The following LRMDA variants were observed in gnomAD, a reference collection of about 807,000 sequenced individuals.
The protein encoded by LRMDA is leucine rich melanocyte differentiation associated.
In LRMDA, 18 loss-of-function variants were observed where a neutral mutation model predicts 29.8. That is an observed-to-expected ratio of 0.60 (90% CI 0.42 to 0.90). The LOEUF is 0.90. Ranked by LOEUF, LRMDA falls within the 40% of genes least tolerant of loss-of-function variation. The probability of loss-of-function intolerance (pLI) is 0.00; values close to 1 mark genes in which losing one functional copy is unlikely to be tolerated. For synonymous variants in LRMDA, 125 were observed against 109.4 expected (o/e 1.14, Z -0.89); for missense variants, 273 against 273.9 (o/e 1.00, Z 0.02).
chr10:76,134,811 A>G (rs1485660746), intron 5 of LRMDA, among the ~76,000 whole-genome samples: 2 of 152,332 alleles, frequency 1.3e-5, no homozygotes, highest in Non-Finnish European at 1.5e-5. Flanking sequence ...CATTACTTAC[A>G]AATTGCTAAA....
chr10:76,345,486 A>C (rs1390075535), intron 6 of LRMDA, among the ~76,000 whole-genome samples: 1 of 148,260 alleles, frequency 6.7e-6, no homozygotes, highest in Non-Finnish European at 1.5e-5. Context: ...TATATTTATA[A>C]ATTTATATAT....
chr10:75,846,397 A>G (rs17434565), intron 2 of LRMDA, among the ~76,000 whole-genome samples: 25,555 of 152,138 alleles, frequency 0.17, 2,682 homozygotes, highest in South Asian at 0.26. Flanking sequence ...GCTTAACCTC[A>G]TTTTCACTGC....
At chr10:76,415,820 A>G (rs977391347) in intron 6 of LRMDA, among the ~76,000 whole-genome samples, 16 of 152,106 alleles carry the variant, frequency 1.1e-4, no homozygotes, top group African/African-American at 3.6e-4. Context: ...TGCGCACGAG[A>G]TGCACTGACA....
intron 2 of LRMDA, among the ~76,000 whole-genome samples, chr10:75,731,770 G>T (rs1842701941): frequency 6.6e-6 from 1 of 152,182 alleles, no homozygotes; most frequent in South Asian, 2.1e-4. Flanking sequence ...GGCTAATTTT[G>T]GACTTCCCAG....
chr10:75,703,487 G>A (rs527604712), intron 2 of LRMDA, among the ~76,000 whole-genome samples: 1 of 152,190 alleles, frequency 6.6e-6, no homozygotes, highest in Admixed American at 6.5e-5. Flanking sequence ...GTGTGAGGAG[G>A]TTAAAATGAG....
chr10:75,846,177 T>G lies in LRMDA; in HGVS notation c.132-189831T>G, dbSNP rs199516474. On this transcript the variant is annotated intron_variant, in intron 2 of 6. Transcript: ENST00000611255. ...TTTTGTTACTTATTTGTGTGTGTGTTTGTGTGTGTGTGTGTGTGTGTGTGT... is the reference window on the plus strand; with the variant it reads ...TTTTGTTACTTATTTGTGTGTGTGTGTGTGTGTGTGTGTGTGTGTGTGTGT... Among the ~76,000 whole-genome samples, 348 of 143,076 alleles carry G rather than the reference T, an allele frequency of 2.4e-3. 2 individuals carry two copies. Among genetic ancestry groups the G allele is most frequent in the African/African-American group, 8.4e-3 (317 of 37,910 alleles). 93.9% of individuals were successfully genotyped at this position (143,076 alleles called of 152,430 possible).
chr10:76,416,082 A>C (rs754317888), intron 6 of LRMDA, among the ~76,000 whole-genome samples: 2 of 152,232 alleles, frequency 1.3e-5, no homozygotes, highest in Non-Finnish European at 2.9e-5. Flanking sequence ...TGCCAGATAA[A>C]TACTGAGACT....
intron 2 of LRMDA, among the ~76,000 whole-genome samples, chr10:75,817,014 G>T (rs960025365): frequency 6.6e-6 from 1 of 152,144 alleles, no homozygotes; most frequent in Non-Finnish European, 1.5e-5. Context: ...TCAACAAACT[G>T]GGAACAGAAA....
chr10:76,056,828 C>A (rs564283795), intron 4 of LRMDA, among the ~76,000 whole-genome samples: 42 of 152,290 alleles, frequency 2.8e-4, no homozygotes, highest in African/African-American at 8.7e-4. Flanking sequence ...TGCAGCTGGG[C>A]AGCTGCAGTT....
chr10:75,790,197 GCCA>G (rs1377888903), intron 2 of LRMDA, among the ~76,000 whole-genome samples: 1 of 152,094 alleles, frequency 6.6e-6, no homozygotes, highest in Non-Finnish European at 1.5e-5. Flanking sequence ...AGGGTATTGA[GCCA>G]CATCCTTGGC....
At chr10:76,455,784 G>GTTATC (rs1016949427) in intron 6 of LRMDA, among the ~76,000 whole-genome samples, 5 of 152,158 alleles carry the variant, frequency 3.3e-5, no homozygotes, top group Non-Finnish European at 7.3e-5. Context: ...AAGGGCAAGT[G>GTTATC]TTATCTTCTG....
chr10:75,726,633 G>C (rs1034671231), intron 2 of LRMDA, among the ~76,000 whole-genome samples: 1 of 152,164 alleles, frequency 6.6e-6, no homozygotes, highest in Non-Finnish European at 1.5e-5. Flanking sequence ...AAATACAGTG[G>C]TAAAACTCAT....
intron 2 of LRMDA, among the ~76,000 whole-genome samples, chr10:75,499,679 G>A (rs976323631): frequency 6.6e-6 from 1 of 152,334 alleles, no homozygotes; most frequent in South Asian, 2.1e-4. Context: ...GTTGGCCTGA[G>A]CAGTGCCTTC....
intron 2 of LRMDA, among the ~76,000 whole-genome samples, chr10:75,785,133 T>C (rs1843450234): frequency 6.6e-6 from 1 of 152,242 alleles, no homozygotes; most frequent in South Asian, 2.1e-4. Context: ...TTGCCTTCTC[T>C]TCATTCTTAG....
intron 6 of LRMDA, among the ~76,000 whole-genome samples, chr10:76,555,806 C>G (rs912545804): frequency 1.4e-5 from 2 of 146,266 alleles, no homozygotes; most frequent in African/African-American, 5.2e-5. Flanking sequence ...GTTGGTTTCA[C>G]ACTATCACAC....
chr10:76,504,071 T>C (rs574598722), intron 6 of LRMDA, among the ~76,000 whole-genome samples: 6 of 152,042 alleles, frequency 3.9e-5, no homozygotes, highest in Admixed American at 3.3e-4. Context: ...ATTTCTGCCT[T>C]AATTATTTTG....
At chr10:76,136,908 T>G (rs956246526) in intron 5 of LRMDA, among the ~76,000 whole-genome samples, 2 of 152,196 alleles carry the variant, frequency 1.3e-5, no homozygotes, top group African/African-American at 4.8e-5. Context: ...TGTCAGGCCC[T>G]AACCAAAGGA....
At chr10:76,120,296 C>T (rs1023880506) in intron 5 of LRMDA, among the ~76,000 whole-genome samples, 23 of 150,796 alleles carry the variant, frequency 1.5e-4, no homozygotes, top group African/African-American at 5.6e-4. Context: ...TCAAGTGATT[C>T]TCCCACCTCA....
rs16933595 is a variant in LRMDA, at chr10:76,514,807, T to C, written c.602-42402T>C. Among the ~76,000 whole-genome samples, 523 of 152,240 alleles carry C rather than the reference T, an allele frequency of 3.4e-3. 16 individuals are homozygous for C. The East Asian group carries it at 0.091, about 27-fold the overall frequency. Reference sequence around the variant, plus strand: ...CATTTAAAGTAATGCCATTGTAGCATGCTGGTGCACACGTCTTCATGGGAT... The same window carrying C: ...CATTTAAAGTAATGCCATTGTAGCACGCTGGTGCACACGTCTTCATGGGAT... On this transcript the variant is annotated intron_variant, in intron 6 of 6. Coordinates refer to ENST00000611255, the MANE Select transcript of LRMDA (RefSeq NM_001305581.2).
Sources: allele counts gnomAD v4.1 joint callset (sites outside exome capture counted in the v4.1 genomes callset), GRCh38; gene constraint gnomAD v4.1.1; transcripts MANE v1.5; gene names NCBI Gene and HGNC (gene_info 2026-07-23, HGNC 2026-07-21).